The following HS2ST1 variants were observed in gnomAD, a reference collection of about 807,000 sequenced individuals.
HS2ST1 encodes heparan sulfate 2-O-sulfotransferase 1.
A neutral mutation model predicts 42.9 loss-of-function variants in HS2ST1; 18 were observed. The observed-to-expected ratio is 0.42, with a 90% CI of 0.29 to 0.62. The LOEUF is 0.62. Ranked by LOEUF, HS2ST1 falls within the 20% of genes least tolerant of loss-of-function variation. HS2ST1 has a pLI of 0.21. For missense variants in HS2ST1, 334 were observed against 433.8 expected (o/e 0.77, Z 2.04); for synonymous variants, 146 against 152.9 (o/e 0.95, Z 0.33).
chr1:87,032,354 G>A (rs1650260687), intron 1 of HS2ST1, among the ~76,000 whole-genome samples: 1 of 152,126 alleles, frequency 6.6e-6, no homozygotes, highest in East Asian at 1.9e-4. Flanking sequence ...TTTTGGATAT[G>A]TGTTTGTGTC....
chr1:87,092,659 G>A lies in HS2ST1; in HGVS notation c.578G>A (p.Gly193Glu), dbSNP rs1223417309. ...CCAGGGTTACGGAGACGAAAACAAG[G>A]AGACAAAAAGGTAATATTTTAGTTT... is the stretch of plus-strand genomic sequence containing the variant. ...YRPGLRRRKQ[G>E]DKKTFDECVA... Residue 193 changes from glycine (G) to glutamate (E), a missense_variant, in exon 4 of 7, where the codon GGA (glycine) becomes GAA (glutamate). Gly to Glu is a moderately conservative substitution (Grantham distance 98, BLOSUM62 -2). Coordinates refer to ENST00000370550, the MANE Select transcript of HS2ST1 (RefSeq NM_012262.4). 1 of 1,529,002 alleles carries A rather than the reference G, an allele frequency of 6.5e-7. No homozygotes were observed. The highest frequency in any genetic ancestry group is 1.3e-5 in the South Asian group (1 of 76,006). 94.7% of individuals were successfully genotyped at this position (1,529,002 alleles called of 1,614,324 possible).
intron 1 of HS2ST1, chr1:87,064,616 T>G: frequency 2.1e-6 from 1 of 478,002 alleles, no homozygotes; most frequent in Admixed American, 2.2e-5. Flanking sequence ...AGAAATTTAT[T>G]TTGTTAGTCC....
At chr1:87,010,661 A>C (rs1457552873) in intron 1 of HS2ST1, among the ~76,000 whole-genome samples, 1 of 152,170 alleles carries the variant, frequency 6.6e-6, no homozygotes, top group Non-Finnish European at 1.5e-5. Flanking sequence ...TTTGGCTATA[A>C]ATTTGAAATA....
At chr1:87,022,422 C>A (rs998177771) in intron 1 of HS2ST1, among the ~76,000 whole-genome samples, 1 of 152,144 alleles carries the variant, frequency 6.6e-6, no homozygotes, top group African/African-American at 2.4e-5. Context: ...CCATAAAAAA[C>A]ACAGAGCTTG....
chr1:87,061,091 G>A (rs1651109386), intron 1 of HS2ST1, among the ~76,000 whole-genome samples: 1 of 151,384 alleles, frequency 6.6e-6, no homozygotes, highest in Non-Finnish European at 1.5e-5. Context: ...GTCTAATAAG[G>A]GCCTACAAAA....
chr1:86,956,572 G>C (rs1286512840), intron 1 of HS2ST1: 1 of 152,156 alleles, frequency 6.6e-6, no homozygotes, highest in Non-Finnish European at 1.5e-5. Context: ...GATGGTGAGA[G>C]GTACTTTTTT....
chr1:86,984,665 C>G (rs1286544967), intron 1 of HS2ST1, among the ~76,000 whole-genome samples: 1 of 151,974 alleles, frequency 6.6e-6, no homozygotes, highest in African/African-American at 2.4e-5. Context: ...GTGGGCAGAT[C>G]ACCTGAGGTC....
intron 1 of HS2ST1, chr1:86,934,927 C>CAAAAAAAAAAAAAAA (rs35669188): frequency 1.0e-4 from 5 of 48,078 alleles, no homozygotes; most frequent in African/African-American, 3.2e-4. Flanking sequence ...GACTCCATCC[C>CAAAAAAAAAAAAAAA]AAAAAAAAAA....
At chr1:86,995,554 A>G (rs1307088588) in intron 1 of HS2ST1, among the ~76,000 whole-genome samples, 1 of 152,220 alleles carries the variant, frequency 6.6e-6, no homozygotes, top group Non-Finnish European at 1.5e-5. Context: ...GTTTGTCTAA[A>G]GAGAGGAAAT....
intron 1 of HS2ST1, among the ~76,000 whole-genome samples, chr1:86,950,671 G>C (rs901079194): frequency 2.0e-5 from 3 of 152,156 alleles, no homozygotes; most frequent in African/African-American, 7.2e-5. Context: ...CATTCAAATT[G>C]TTAACCAAAG....
intron 1 of HS2ST1, among the ~76,000 whole-genome samples, chr1:87,034,988 G>C (rs1428285427): frequency 6.6e-6 from 1 of 152,180 alleles, no homozygotes; most frequent in Non-Finnish European, 1.5e-5. Context: ...GAGTCCTAAA[G>C]AAATGTAATG....
chr1:87,045,801 T>C (rs879179279), intron 1 of HS2ST1: 1 of 829,322 alleles, frequency 1.2e-6, no homozygotes, highest in Non-Finnish European at 2.1e-6. Context: ...ATCCATTGCA[T>C]ATGGGTCATC....
At chr1:86,970,600 G>A (rs1648202291) in intron 1 of HS2ST1, among the ~76,000 whole-genome samples, 1 of 151,982 alleles carries the variant, frequency 6.6e-6, no homozygotes, top group South Asian at 2.1e-4. Flanking sequence ...CACCATGTTG[G>A]CCAGGCTGGT....
At chr1:87,026,050 G>A (rs1650080097) in intron 1 of HS2ST1, among the ~76,000 whole-genome samples, 2 of 152,134 alleles carry the variant, frequency 1.3e-5, no homozygotes, top group South Asian at 2.1e-4. Context: ...GATTGCAACT[G>A]TATTTTTGAT....
At chr1:87,093,497 G>C (rs975077498) in intron 4 of HS2ST1, among the ~76,000 whole-genome samples, 1 of 152,022 alleles carries the variant, frequency 6.6e-6, no homozygotes, top group African/African-American at 2.4e-5. Context: ...GATGCCTCCA[G>C]GCAGTGAGTC....
At position 87,028,582 on chromosome 1, in the gene HS2ST1, T is replaced by C. The variant is rs569441594; in HGVS notation, c.125-44352T>C. ...ATTGTTTTATTTACCAGGCTGTGAATAAACTGTAGAAAATTAGAAAGTGGA... is the reference window on the plus strand; with the variant it reads ...ATTGTTTTATTTACCAGGCTGTGAACAAACTGTAGAAAATTAGAAAGTGGA... On this transcript the variant is annotated intron_variant, in intron 1 of 6. Coordinates refer to ENST00000370550, the MANE Select transcript of HS2ST1 (RefSeq NM_012262.4). 5.3e-5 allele frequency among the ~76,000 whole-genome samples: 8 copies of C among 152,350 alleles called. No homozygotes were observed. The South Asian group carries it at 1.7e-3, about 32-fold the overall frequency.
intron 1 of HS2ST1, among the ~76,000 whole-genome samples, chr1:87,037,089 T>C (rs1415750861): frequency 6.6e-6 from 1 of 151,564 alleles, no homozygotes; most frequent in East Asian, 1.9e-4. Context: ...ATTTATCACA[T>C]TCATGGGTGC....
chr1:86,914,974 C>G lies in HS2ST1; in HGVS notation c.-63C>G. 3 of 1,601,178 alleles carry G rather than the reference C, an allele frequency of 1.9e-6. No individual in the cohort carries two copies. The highest frequency in any genetic ancestry group is 1.1e-5 in the South Asian group (1 of 90,568). ...TCGGCGGGCTCCTCCCGGCGTCTCT[C>G]TCGCCTCCGGGGTCCCGCTCCCCGC... On this transcript the variant is annotated 5_prime_UTR_variant, in exon 1 of 7. Coordinates refer to ENST00000370550, the MANE Select transcript of HS2ST1 (RefSeq NM_012262.4).
At chr1:87,097,613 C>G (rs889768760) in intron 4 of HS2ST1, among the ~76,000 whole-genome samples, 1 of 152,082 alleles carries the variant, frequency 6.6e-6, no homozygotes, top group Non-Finnish European at 1.5e-5. Context: ...AGGACGGTCT[C>G]GATTTCTTGA....
Sources: gnomAD v4.1 joint callset for allele counts (sites outside exome capture counted in the v4.1 genomes callset) on GRCh38, gnomAD v4.1.1 for gene constraint, MANE v1.5 for transcripts, NCBI Gene and HGNC (gene_info 2026-07-23, HGNC 2026-07-21) for gene names.